IQGAP1: variants seen among roughly 807,000 people sequenced by gnomAD.
The protein encoded by IQGAP1 is IQ motif containing GTPase activating protein 1.
IQGAP1 carries 66 observed loss-of-function variants against 215.6 expected under a neutral mutation model. That is an observed-to-expected ratio of 0.31 (90% CI 0.25 to 0.38). The LOEUF (loss-of-function observed/expected upper bound fraction) is 0.38, where lower values mean the gene tolerates loss of function less well. IQGAP1 is among the 10% of genes least tolerant of loss of function. The pLI is 1.00. For synonymous variants in IQGAP1, 772 were observed against 728.7 expected (o/e 1.06, Z -0.96); for missense variants, 1,712 against 1,997.1 (o/e 0.86, Z 2.72).
chr15:90,445,573 C>T (rs1044312147), intron 9 of IQGAP1, among the ~76,000 whole-genome samples: 8 of 152,086 alleles, frequency 5.3e-5, no homozygotes, highest in Non-Finnish European at 7.3e-5. Context: ...GTAGAGATTA[C>T]GTATTCTGCT....
At chr15:90,412,655 A>G (rs181510045) in intron 2 of IQGAP1, among the ~76,000 whole-genome samples, 1 of 152,316 alleles carries the variant, frequency 6.6e-6, no homozygotes, top group African/African-American at 2.4e-5. Context: ...TACCATTACC[A>G]TATGGAAATT....
rs369328831 is a variant in IQGAP1, at chr15:90,445,020, G to A, written c.913+1542G>A. 3.9e-5 allele frequency among the ~76,000 whole-genome samples: 6 copies of A among 152,278 alleles called. No homozygotes were observed. The East Asian group carries it at 5.8e-4, about 15-fold the overall frequency. On this transcript the variant is annotated intron_variant, in intron 9 of 37. Transcript: ENST00000268182. ...CGCCTGTAGTCCCAGCTACTTGGGG[G>A]CTGAAGCAGGAGGATTGCTTGAGCC...
chr15:90,476,572 G>T lies in IQGAP1; in HGVS notation c.2785-91G>T. On this transcript the variant is annotated intron_variant, in intron 23 of 37. Coordinates refer to ENST00000268182, the MANE Select transcript of IQGAP1 (RefSeq NM_003870.4). ...ATCTGCCAGTGCAGTACACCTTCATGTGAGTTTGCACATGCTGCAAAACCT... is the reference window on the plus strand; with the variant it reads ...ATCTGCCAGTGCAGTACACCTTCATTTGAGTTTGCACATGCTGCAAAACCT... 3.2e-6 allele frequency: 3 copies of T among 933,574 alleles called. No individual in the cohort carries two copies. The East Asian group carries it at 7.6e-5, about 24-fold the overall frequency. 57.8% of individuals were successfully genotyped at this position (933,574 alleles called of 1,614,324 possible).
At chr15:90,395,879 G>A (rs187245714) in intron 2 of IQGAP1, among the ~76,000 whole-genome samples, 107 of 152,336 alleles carry the variant, frequency 7.0e-4, no homozygotes, top group Non-Finnish European at 2.4e-4. Context: ...CAGGAAGAAA[G>A]TTAATTCCAG....
chr15:90,491,142 A>T (rs1250313038), intron 33 of IQGAP1, among the ~76,000 whole-genome samples, 191 bp from the exon 34 acceptor site: 1 of 152,196 alleles, frequency 6.6e-6, no homozygotes, highest in African/African-American at 2.4e-5. Context: ...CATCTCTTCT[A>T]GGTGGAAAGA....
intron 30 of IQGAP1, among the ~76,000 whole-genome samples, chr15:90,485,400 C>T (rs1596291001): frequency 6.6e-6 from 1 of 152,036 alleles, no homozygotes; most frequent in African/African-American, 2.4e-5. Flanking sequence ...GGGTATTGAA[C>T]TTTGAGTTTC....
At chr15:90,497,515 C>T (rs1235392705) in intron 37 of IQGAP1, among the ~76,000 whole-genome samples, 175 bp downstream of exon 37, 2 of 152,184 alleles carry the variant, frequency 1.3e-5, no homozygotes, top group Admixed American at 6.6e-5. Flanking sequence ...TTGGTGTGTG[C>T]GCTCTGGAGA....
chr15:90,497,972 G>T (rs1966293828), intron 37 of IQGAP1, among the ~76,000 whole-genome samples: 1 of 152,192 alleles, frequency 6.6e-6, no homozygotes, highest in Admixed American at 6.5e-5. Context: ...GCTTCACACA[G>T]CCATGCCCTG....
rs201984335 is a variant in IQGAP1 at position 90,411,267 on chromosome 15, CTTTCTTTTCT to C, written c.156-14829_156-14820del. Among the ~76,000 whole-genome samples the C allele has an allele frequency of 5.5e-3, 832 of 151,896 alleles. 8 individuals are homozygous for C. The highest frequency in any genetic ancestry group is 0.019 in the African/African-American group (790 of 41,430). ...AAGGCAAGTACTACGTTCTTTCTTTCTTTCTTTTCTTTTCTTTTCTTTTTTTTTGGAGACA... is the reference window on the plus strand; with the variant it reads ...AAGGCAAGTACTACGTTCTTTCTTTCTTTCTTTTCTTTTTTTTTGGAGACA... On this transcript the variant is annotated intron_variant, in intron 2 of 37. Transcript: ENST00000268182.
chr15:90,403,345 T>C (rs1360917771), intron 2 of IQGAP1, among the ~76,000 whole-genome samples: 3 of 152,260 alleles, frequency 2.0e-5, no homozygotes, highest in African/African-American at 7.2e-5. Flanking sequence ...TGGCTTGACT[T>C]TTGGGGTTTT....
rs750684484 is a variant in IQGAP1, at chr15:90,388,401, G to A, written c.55+5G>A. On this transcript the variant is annotated splice_donor_5th_base_variant and intron_variant, in intron 1 of 37. Transcript: ENST00000268182. ...TGGCCCGGCCGCACTATGGCTGTGAGTGCGGGGCTCCGCGGCGCGGGGGCT... is the reference window on the plus strand; with the variant it reads ...TGGCCCGGCCGCACTATGGCTGTGAATGCGGGGCTCCGCGGCGCGGGGGCT... The A allele has an allele frequency of 1.3e-6, 2 of 1,575,796 alleles. No homozygotes were observed. The highest frequency in any genetic ancestry group is 1.1e-5 in the South Asian group (1 of 88,550).
intron 2 of IQGAP1, among the ~76,000 whole-genome samples, chr15:90,423,700 T>G (rs2151012911): frequency 6.6e-6 from 1 of 152,340 alleles, no homozygotes; most frequent in Non-Finnish European, 1.5e-5. Flanking sequence ...AGCTCATTCT[T>G]TCTGTTTAAT....
intron 5 of IQGAP1, among the ~76,000 whole-genome samples, chr15:90,438,940 G>A (rs1403935609): frequency 6.6e-6 from 1 of 152,034 alleles, no homozygotes; most frequent in Non-Finnish European, 1.5e-5. Flanking sequence ...GGCCAGGCTG[G>A]TCTCAAGCTC....
In IQGAP1 at chr15:90,445,835, CT is replaced by C. The variant is rs1369745530; in HGVS notation, c.913+2366del. On this transcript the variant is annotated intron_variant, in intron 9 of 37. Coordinates refer to ENST00000268182, the MANE Select transcript of IQGAP1 (RefSeq NM_003870.4). Reference sequence around the variant, plus strand: ...GGAGTTTTAAGTCCTGACCAGCATTCTTTTTTTTTGGGTTTTTTTTTTTTTT... The same window carrying C: ...GGAGTTTTAAGTCCTGACCAGCATTCTTTTTTTTGGGTTTTTTTTTTTTTT... Among the ~76,000 whole-genome samples, 41 of 130,848 alleles carry C rather than the reference CT, an allele frequency of 3.1e-4. 1 individual carries two copies. The highest frequency in any genetic ancestry group is 5.0e-4 in the South Asian group (2 of 3,998). 85.8% of individuals were successfully genotyped at this position (130,848 alleles called of 152,430 possible).
At chr15:90,396,772 GT>G (rs1309176702) in intron 2 of IQGAP1, among the ~76,000 whole-genome samples, 34 of 152,094 alleles carry the variant, frequency 2.2e-4, no homozygotes, top group African/African-American at 7.5e-4. Flanking sequence ...TTGTAACACT[GT>G]TGCAAATGGG....
chr15:90,416,730 A>G (rs1048945111), intron 2 of IQGAP1, among the ~76,000 whole-genome samples: 9 of 152,006 alleles, frequency 5.9e-5, no homozygotes, highest in Non-Finnish European at 1.0e-4. Context: ...GGTGCCCGCC[A>G]CCACGCCCAG....
At chr15:90,498,830 A>G (rs1459586489) in intron 37 of IQGAP1, among the ~76,000 whole-genome samples, 1 of 72,018 alleles carries the variant, frequency 1.4e-5, no homozygotes. Flanking sequence ...TTTTTTTTTG[A>G]GACAGTTTCG....
At position 90,473,917 on chromosome 15, in the gene IQGAP1, C is replaced by T. The variant is rs778455877; in HGVS notation, c.2455C>T (p.His819Tyr). The change falls in exon 21 of 38, where the codon CAC becomes TAC. Residue 819 changes from histidine (H) to tyrosine (Y), a missense_variant. His to Tyr is a moderately conservative substitution (Grantham distance 83, BLOSUM62 2). This residue lies in a region of IQGAP1 where 1,021 missense variants were observed against 1,074.2 expected (regional missense o/e 0.95). Coordinates refer to ENST00000268182, the MANE Select transcript of IQGAP1 (RefSeq NM_003870.4). ...VVKIQSLARM[H>Y]QARKRYRDRL... is the part of the protein sequence containing the mutation. ...ACAGATTCAGTCCCTGGCAAGGATG[C>T]ACCAAGCTCGAAAGCGCTATCGAGA... 2 of 1,613,816 alleles carry T rather than the reference C, an allele frequency of 1.2e-6. No individual in the cohort carries two copies. Among genetic ancestry groups the T allele is most frequent in the Non-Finnish European group, 1.7e-6 (2 of 1,180,006 alleles).
In IQGAP1 at chr15:90,457,552, C is replaced by G. The variant is rs147356429; in HGVS notation, c.1776+1237C>G. Among the ~76,000 whole-genome samples, 404 of 151,548 alleles carry G rather than the reference C, an allele frequency of 2.7e-3. 3 individuals carry two copies. The highest frequency in any genetic ancestry group is 9.4e-3 in the African/African-American group (390 of 41,296). On this transcript the variant is annotated intron_variant, in intron 15 of 37. Transcript: ENST00000268182. Reference sequence around the variant, plus strand: ...AGCAATTCTCCTGCCTCTGCCTCCCCAGTACCTAGGATTACAGGCGAGAGC... The same window carrying G: ...AGCAATTCTCCTGCCTCTGCCTCCCGAGTACCTAGGATTACAGGCGAGAGC...
Sources: gnomAD v4.1 joint callset for allele counts (sites outside exome capture counted in the v4.1 genomes callset) on GRCh38, gnomAD v4.1.1 for gene constraint, gnomAD v4.1.1 regional missense constraint, MANE v1.5 for transcripts, NCBI Gene and HGNC (gene_info 2026-07-23, HGNC 2026-07-21) for gene names.